The following R3HDM2 variants were observed in gnomAD, a reference collection of about 807,000 sequenced individuals.
R3HDM2 encodes R3H domain containing 2, also known as R3H domain-containing protein 2.
Under a neutral mutation model 124.5 loss-of-function variants are expected in R3HDM2, and 38 were observed. The observed-to-expected ratio is 0.31, with a 90% CI of 0.24 to 0.40. The LOEUF (loss-of-function observed/expected upper bound fraction) is 0.40. Ranked by LOEUF, R3HDM2 falls within the 10% of genes least tolerant of loss-of-function variation. The pLI is 1.00. For missense variants in R3HDM2, 869 were observed against 1,236.9 expected, an observed-to-expected ratio of 0.70 and a Z score of 4.46; for synonymous variants, 391 against 448.0, an observed-to-expected ratio of 0.87 and a Z score of 1.61.
intron 11 of R3HDM2, 113 bp from the exon 12 acceptor site, chr12:57,289,153 C>A: frequency 9.7e-7 from 1 of 1,031,390 alleles, no homozygotes; most frequent in Non-Finnish European, 1.5e-6. Flanking sequence ...AAGCTCACCC[C>A]ACCAACAGGG....
chr12:57,393,653 T>C (rs1247913694), intron 2 of R3HDM2, among the ~76,000 whole-genome samples: 3 of 151,950 alleles, frequency 2.0e-5, no homozygotes, highest in Non-Finnish European at 4.4e-5. Context: ...AAGAATAATA[T>C]TTAGTAAAAT....
intron 18 of R3HDM2, among the ~76,000 whole-genome samples, chr12:57,267,211 T>C (rs1035471921): frequency 1.3e-5 from 2 of 150,340 alleles, no homozygotes; most frequent in Admixed American, 6.6e-5. Context: ...TAGAAAGAGA[T>C]GGGTAAAAAA....
intron 4 of R3HDM2, among the ~76,000 whole-genome samples, chr12:57,300,501 A>G (rs1418676351): frequency 1.3e-5 from 2 of 152,208 alleles, no homozygotes; most frequent in African/African-American, 4.8e-5. Context: ...TTATGCAAAC[A>G]CACAGCAACA....
intron 1 of R3HDM2, among the ~76,000 whole-genome samples, chr12:57,396,883 A>T (rs1008895786): frequency 6.6e-6 from 1 of 152,066 alleles, no homozygotes; most frequent in Non-Finnish European, 1.5e-5. Flanking sequence ...CCTACTGTTA[A>T]AAGTTCGAGA....
intron 19 of R3HDM2, among the ~76,000 whole-genome samples, chr12:57,263,793 A>C (rs1404985330): frequency 6.6e-6 from 1 of 152,218 alleles, no homozygotes; most frequent in Admixed American, 6.5e-5. Flanking sequence ...TGCTCCTTAA[A>C]GGTAAGAACT....
chr12:57,352,618 G>C (rs555793029), intron 2 of R3HDM2, among the ~76,000 whole-genome samples: 1 of 151,632 alleles, frequency 6.6e-6, no homozygotes, highest in East Asian at 1.9e-4. Context: ...TCAGCCTCGT[G>C]AGTAGCTGGG....
intron 2 of R3HDM2, among the ~76,000 whole-genome samples, chr12:57,317,539 A>C (rs1378042183): frequency 6.6e-6 from 1 of 151,150 alleles, no homozygotes; most frequent in African/African-American, 2.4e-5. Context: ...GACCCTCCCT[A>C]TCTCTGGACT....
At chr12:57,348,296 G>A (rs1007777118) in intron 2 of R3HDM2, among the ~76,000 whole-genome samples, 2 of 152,098 alleles carry the variant, frequency 1.3e-5, no homozygotes, top group East Asian at 1.9e-4. Flanking sequence ...GCCAGGTGTG[G>A]TGGCTCACAC....
chr12:57,412,903 G>C lies in R3HDM2; in HGVS notation c.-105-17085C>G, dbSNP rs534752311. Among the ~76,000 whole-genome samples the C allele has an allele frequency of 2.0e-5, 3 of 152,232 alleles. No individual in the cohort carries two copies. In the South Asian group the frequency reaches 6.2e-4, roughly 32 times the overall value. On this transcript the variant is annotated intron_variant, in intron 1 of 23. Coordinates refer to ENST00000402412, the MANE Select transcript of R3HDM2 (RefSeq NM_001394031.1). ...GCAGTGGCTCACGCCTGTAATCCCA[G>C]TACTTTGGGAGGCCGAGGTGGGCGG...
chr12:57,348,584 CT>C (rs1465385127), intron 2 of R3HDM2, among the ~76,000 whole-genome samples: 1 of 151,466 alleles, frequency 6.6e-6, no homozygotes, highest in Non-Finnish European at 1.5e-5. Context: ...ATCCCAGCTA[CT>C]CAGGAGGTTG....
At position 57,268,416 on chromosome 12, in the gene R3HDM2, A is replaced by G. The variant is rs2042929788; in HGVS notation, c.1917T>C (p.Pro639=). 6.2e-7 allele frequency: 1 copy of G among 1,614,028 alleles called. No homozygotes were observed. Among genetic ancestry groups the G allele is most frequent in the Non-Finnish European group, 8.5e-7 (1 of 1,180,028 alleles). ...CAGGGACCAGCATGGGTTGCTGGAA[A>G]GGCGGCTGGACCACATTTTGCGAGT... The part of the protein sequence containing the change: ...GSDSQNVVQP[P]FQQPMLVPVS... Residue 639 remains proline (P), a synonymous_variant, in exon 18 of 24, where the codon CCT becomes CCC. Coordinates refer to ENST00000402412, the MANE Select transcript of R3HDM2 (RefSeq NM_001394031.1).
At chr12:57,297,271 A>G in intron 8 of R3HDM2, 57 bp downstream of exon 8, 3 of 958,740 alleles carry the variant, frequency 3.1e-6, no homozygotes, top group Non-Finnish European at 3.2e-6. Context: ...TTGTACCTAA[A>G]TTTATTTCCA....
At chr12:57,376,367 C>T (rs2064074048) in intron 2 of R3HDM2, among the ~76,000 whole-genome samples, 1 of 152,246 alleles carries the variant, frequency 6.6e-6, no homozygotes, top group African/African-American at 2.4e-5. Flanking sequence ...TATACACGTT[C>T]CATTGCCTGA....
chr12:57,378,570 C>T (rs942587466), intron 2 of R3HDM2, among the ~76,000 whole-genome samples: 2 of 151,946 alleles, frequency 1.3e-5, no homozygotes, highest in Non-Finnish European at 2.9e-5. Flanking sequence ...GTAGAGACAG[C>T]GTTTTGCCAT....
At chr12:57,394,840 A>C (rs2067245236) in intron 2 of R3HDM2, among the ~76,000 whole-genome samples, 1 of 152,348 alleles carries the variant, frequency 6.6e-6, no homozygotes, top group South Asian at 2.1e-4. Context: ...AGAATTCCCT[A>C]GTTATACATA....
At chr12:57,311,956 G>C (rs2054004711) in intron 2 of R3HDM2, among the ~76,000 whole-genome samples, 1 of 152,176 alleles carries the variant, frequency 6.6e-6, no homozygotes, top group African/African-American at 2.4e-5. Context: ...TCTACACACA[G>C]ATTCATGTCC....
chr12:57,361,048 C>CG (rs777196700), intron 2 of R3HDM2, among the ~76,000 whole-genome samples: 4 of 60,058 alleles, frequency 6.7e-5, no homozygotes, highest in Non-Finnish European at 1.1e-4. Flanking sequence ...AGACACGTCT[C>CG]AAAAAAAAAA....
rs540955388 is a variant in R3HDM2, at chr12:57,333,849, T to C, written c.-35-23386A>G. On this transcript the variant is annotated intron_variant, in intron 2 of 23. Coordinates refer to ENST00000402412, the MANE Select transcript of R3HDM2 (RefSeq NM_001394031.1). Reference sequence around the variant, plus strand: ...CGAGGTTAGGAGTTCGAGACCAGCCTGGCTAACGTGGCGAAACCCCATCTC... The same window carrying C: ...CGAGGTTAGGAGTTCGAGACCAGCCCGGCTAACGTGGCGAAACCCCATCTC... Among the ~76,000 whole-genome samples the C allele has an allele frequency of 2.0e-5, 3 of 151,966 alleles. No individual in the cohort carries two copies. In the East Asian group the frequency reaches 5.8e-4, roughly 29 times the overall value.
intron 2 of R3HDM2, among the ~76,000 whole-genome samples, chr12:57,348,446 C>A (rs1593685873): frequency 6.6e-6 from 1 of 152,044 alleles, no homozygotes; most frequent in East Asian, 1.9e-4. Context: ...GTAAACCCAG[C>A]ACTTTGGGAG....
Sources: allele counts gnomAD v4.1 joint callset (sites outside exome capture counted in the v4.1 genomes callset), GRCh38; gene constraint gnomAD v4.1.1; transcripts MANE v1.5; gene names NCBI Gene and HGNC (gene_info 2026-07-23, HGNC 2026-07-21).